PKD1: variants seen among roughly 807,000 people sequenced by gnomAD.
PKD1 encodes polycystin 1, transient receptor potential channel interacting, also known as polycystin-1.
In PKD1, 81 loss-of-function variants were observed where a neutral mutation model predicts 361.7. The ratio of observed to expected loss-of-function variants is 0.22; its 90% CI spans 0.19 to 0.27. The LOEUF (loss-of-function observed/expected upper bound fraction) is 0.27. Ranked by LOEUF, PKD1 falls within the 10% of genes least tolerant of loss-of-function variation. The pLI is 1.00. For synonymous variants in PKD1, 3,615 were observed against 2,818.3 expected, an observed-to-expected ratio of 1.28 and a Z score of -8.95; for missense variants, 6,399 against 6,118.3, an observed-to-expected ratio of 1.05 and a Z score of -1.53.
rs1264976649 is a variant in PKD1, at chr16:2,113,307, G to A, written c.2854-15C>T. 1 of 1,595,550 alleles carries A rather than the reference G, an allele frequency of 6.3e-7. No homozygotes were observed. Among genetic ancestry groups the A allele is most frequent in the Non-Finnish European group, 8.5e-7 (1 of 1,179,394 alleles). ...GGGCTGTACCTCTGCGGGGGGAATG[G>A]TGTCAGCCTGGGCTCTGTGGAGGAC... On this transcript the variant is annotated splice_polypyrimidine_tract_variant and intron_variant, in intron 11 of 45. Transcript: ENST00000262304.
At position 2,111,195 on chromosome 16, in the gene PKD1, G is replaced by A. The variant is rs751291698; in HGVS notation, c.3972C>T (p.Tyr1324=). The change falls in exon 15 of 46, where the codon TAC becomes TAT. Residue 1324 remains tyrosine, a synonymous_variant. Transcript: ENST00000262304. ...CATCCCCGAAGGTCCAGTCGAAGAG[G>A]TAGTGGGCCGGGTTCCCGGTGACGT... ...TAYVTGNPAH[Y]LFDWTFGDGS... 9.3e-6 allele frequency: 15 copies of A among 1,611,356 alleles called. No homozygotes were observed. Among genetic ancestry groups the A allele is most frequent in the South Asian group, 5.5e-5 (5 of 91,030 alleles).
Position 2,118,962 on chromosome 16 carries a change from C to G in PKD1, c.360-117G>C. On this transcript the variant is annotated intron_variant, in intron 3 of 45. Coordinates refer to ENST00000262304, the MANE Select transcript of PKD1 (RefSeq NM_001009944.3). The surrounding 1 kb of genome is among the most constrained non-coding windows in gnomAD (Gnocchi z 6.0). The stretch of plus-strand genomic sequence containing the variant: ...ACAGCACCGCCTCCCCTGCCCCAAC[C>G]AAGCCGGCACTGGGGGGCTCCAAGC... 2.5e-6 allele frequency: 2 copies of G among 793,656 alleles called. No individual in the cohort carries two copies. Among genetic ancestry groups the G allele is most frequent in the Non-Finnish European group, 4.2e-6 (2 of 480,028 alleles). 49.2% of individuals were successfully genotyped at this position (793,656 alleles called of 1,614,324 possible). A position where few individuals can be genotyped will look rare whatever the true frequency, so the allele number is the denominator to read the frequency against.
chr16:2,105,323 A>C lies in PKD1; in HGVS notation c.8015T>G (p.Met2672Arg), dbSNP rs769848003. The C allele has an allele frequency of 6.3e-7, 1 of 1,594,120 alleles. No homozygotes were observed. ...QQIAAALAQC[M>R]GPSRELVCRS... The stretch of plus-strand genomic sequence containing the variant: ...GGTGAGCAGGTGGGGCCATCCTACC[A>C]TGCACTGGGCCAGCGCAGCAGCGAT... Residue 2672 changes from methionine to arginine, a missense_variant and splice_region_variant, in exon 21 of 46, where the codon ATG becomes AGG. By Grantham distance (91) the Met-to-Arg change is moderately conservative. Transcript: ENST00000262304.
rs1298500431 is a variant in PKD1, at chr16:2,090,959, G to A, written c.11928C>T (p.Ser3976=). 16 of 1,554,910 alleles carry A rather than the reference G, an allele frequency of 1.0e-5. No individual in the cohort carries two copies. The highest frequency in any genetic ancestry group is 1.2e-5 in the South Asian group (1 of 86,700). Residue 3976 remains serine (S), a synonymous_variant, in exon 43 of 46, where the codon AGC becomes AGT. Coordinates refer to ENST00000262304, the MANE Select transcript of PKD1 (RefSeq NM_001009944.3). ...AGCTCAGCTGCGCCACCTGGTCGAA[G>A]CTAGTGAAGCGGCGCGGGCGGCCGC... ...FVRGRPRRFT[S]FDQVAQLSSA... is the part of the protein sequence containing the mutation.
rs760474929 is a variant in PKD1 at position 2,100,598 on chromosome 16, G to T, written c.9398-32C>A. 8.2e-6 allele frequency: 13 copies of T among 1,588,902 alleles called. No homozygotes were observed. Among genetic ancestry groups the T allele is most frequent in the Non-Finnish European group, 9.4e-6 (11 of 1,164,266 alleles). On this transcript the variant is annotated intron_variant, in intron 26 of 45. Coordinates refer to ENST00000262304, the MANE Select transcript of PKD1 (RefSeq NM_001009944.3). This position sits in a 1 kb window ranked among gnomAD's most constrained non-coding sequence, Gnocchi z 4.4. ...GGCAAGAGGGAGGGGTGGGAGGCTC[G>T]GTCTGCTGCCCAACACGTGTGGCAT...
At chr16:2,125,437 G>A (rs970283877) in intron 1 of PKD1, among the ~76,000 whole-genome samples, 5 of 152,210 alleles carry the variant, frequency 3.3e-5, no homozygotes, top group East Asian at 1.9e-4. Context: ...AGGCTCAGCG[G>A]CATTCTGTCC....
intron 1 of PKD1, chr16:2,132,100 AT>A (rs2092889345): frequency 6.6e-6 from 1 of 151,576 alleles, no homozygotes; most frequent in Admixed American, 6.6e-5. Context: ...AAAATACAAA[AT>A]TAGCCAGGCA....
Position 2,097,066 on chromosome 16 carries a change from C to G in PKD1, c.10499+82G>C, listed in dbSNP as rs1330025091. 12 of 949,140 alleles carry G rather than the reference C, an allele frequency of 1.3e-5. No individual in the cohort carries two copies. The East Asian group carries it at 3.2e-4, about 25-fold the overall frequency. 58.8% of individuals were successfully genotyped at this position (949,140 alleles called of 1,614,324 possible). Reference sequence around the variant, plus strand: ...CCCTGGCACCCCACCCCACCCTACCCCAGGCGGGAACCACGGCTGCCTGGC... The same window carrying G: ...CCCTGGCACCCCACCCCACCCTACCGCAGGCGGGAACCACGGCTGCCTGGC... On this transcript the variant is annotated intron_variant, in intron 34 of 45. Transcript: ENST00000262304.
intron 21 of PKD1, among the ~76,000 whole-genome samples, chr16:2,105,099 G>A (rs1159421314): frequency 6.8e-6 from 1 of 147,142 alleles, no homozygotes; most frequent in Non-Finnish European, 1.5e-5. Flanking sequence ...CCCACATCTG[G>A]GCCCCTCTTT....
At chr16:2,122,262 C>G (rs1454303875) in intron 1 of PKD1, among the ~76,000 whole-genome samples, 8 of 152,260 alleles carry the variant, frequency 5.3e-5, no homozygotes, top group African/African-American at 1.9e-4. Context: ...CTCGTTCCAT[C>G]TGCGGATGGA....
chr16:2,107,651 A>C, intron 16 of PKD1: 1 of 611,552 alleles, frequency 1.6e-6, no homozygotes, highest in Non-Finnish European at 3.0e-6. Flanking sequence ...TTGCTAGGGG[A>C]CTGTGTAGCT....
rs754218771 is a variant in PKD1 at position 2,100,169 on chromosome 16, C to T, written c.9709G>A (p.Ala3237Thr). Reference protein sequence around the residue: ...GGLVEKEVLAASDAALLRFRR... With the variant: ...GGLVEKEVLATSDAALLRFRR... ...GGAACATGGAACGAGGCCTTACTCG[C>T]GGCCAGCACCTCCTTCTCCACCAGG... Residue 3237 changes from alanine to threonine, a missense_variant, in exon 28 of 46, where the codon GCG becomes ACG. Physicochemically the swap from Ala to Thr is moderately conservative, Grantham distance 58. Coordinates refer to ENST00000262304, the MANE Select transcript of PKD1 (RefSeq NM_001009944.3). The surrounding 1 kb of genome is among the most constrained non-coding windows in gnomAD (Gnocchi z 4.4). 87 of 1,607,768 alleles carry T rather than the reference C, an allele frequency of 5.4e-5. 3 individuals carry two copies. In the South Asian group the frequency reaches 7.7e-4, roughly 14 times the overall value.
In PKD1 at chr16:2,114,186, A is replaced by C. The variant is rs1173261802; in HGVS notation, c.2837T>G (p.Leu946Arg). ...RATPSPEARV[L>R]QGVLVRYSPV... ...CATACTCACCACTAGGACTCCCTGC[A>C]GTACACGGGCCTCGGGGCTGGGCGT... Residue 946 changes from leucine (L) to arginine (R), a missense_variant, in exon 11 of 46, where the codon CTG becomes CGG. By Grantham distance (102) the Leu-to-Arg change is moderately radical (BLOSUM62 -2). Coordinates refer to ENST00000262304, the MANE Select transcript of PKD1 (RefSeq NM_001009944.3). The C allele has an allele frequency of 6.2e-7, 1 of 1,607,298 alleles. No individual in the cohort carries two copies. The highest frequency in any genetic ancestry group is 8.5e-7 in the Non-Finnish European group (1 of 1,179,554).
At position 2,109,353 on chromosome 16, in the gene PKD1, G is replaced by A. The variant is rs1199519847; in HGVS notation, c.5814C>T (p.His1938=). Reference sequence around the variant, plus strand: ...CGTGGTCTCCGACGCGGGGGAAGCTGTGGGAGAAACGGGGCCCGGGGAGCA... The same window carrying A: ...CGTGGTCTCCGACGCGGGGGAAGCTATGGGAGAAACGGGGCCCGGGGAGCA... The part of the protein sequence containing the change: ...PEVLPGPRFS[H]SFPRVGDHVV... The change falls in exon 15 of 46, where the codon CAC becomes CAT. Residue 1938 remains histidine, a synonymous_variant. Coordinates refer to ENST00000262304, the MANE Select transcript of PKD1 (RefSeq NM_001009944.3). The A allele has an allele frequency of 1.3e-5, 20 of 1,592,242 alleles. No individual in the cohort carries two copies. Among genetic ancestry groups the A allele is most frequent in the Non-Finnish European group, 1.6e-5 (19 of 1,173,778 alleles).
chr16:2,110,902 G>A lies in PKD1; in HGVS notation c.4265C>T (p.Ala1422Val), dbSNP rs759240605. Residue 1422 changes from alanine to valine, a missense_variant, in exon 15 of 46, where the codon GCC becomes GTC. Ala to Val is a moderately conservative substitution (Grantham distance 64). Transcript: ENST00000262304. The part of the protein sequence containing the change: ...YTWDFGTEEA[A>V]PTRARGPEVT... ...CTCAGGGCCCCTGGCACGGGTGGGG[G>A]CGGCTTCCTCGGTGCCAAAGTCCCA... 1.9e-6 allele frequency: 3 copies of A among 1,611,546 alleles called. No homozygotes were observed. The highest frequency in any genetic ancestry group is 1.7e-5 in the Admixed American group (1 of 60,014).
chr16:2,134,577 C>T (rs1286603644), intron 1 of PKD1, among the ~76,000 whole-genome samples: 4 of 151,352 alleles, frequency 2.6e-5, no homozygotes, highest in Admixed American at 2.0e-4. Flanking sequence ...GTCCTGGGCA[C>T]CTCATAGTTC....
chr16:2,097,111 C>T (rs1465800429), intron 34 of PKD1, 37 bp downstream of exon 34: 2 of 1,492,320 alleles, frequency 1.3e-6, no homozygotes, highest in South Asian at 1.2e-5. Flanking sequence ...GGCCCCTCCT[C>T]TGGCAATCCC....
rs967735315 is a variant in PKD1 at position 2,089,082 on chromosome 16, A to G, written c.*645T>C. ...ATGACAAGGCCTCTGGGGTGATGAG[A>G]GTGCCTGGCAGACAGCTGTGCCCCC... On this transcript the variant is annotated 3_prime_UTR_variant, in exon 46 of 46. Transcript: ENST00000262304. 6 of 176,712 alleles carry G rather than the reference A, an allele frequency of 3.4e-5. No homozygotes were observed. Among genetic ancestry groups the G allele is most frequent in the Non-Finnish European group, 7.3e-5 (6 of 82,504 alleles). The allele number at this position is 176,712 out of a possible 1,614,324, so 10.9% of individuals were successfully genotyped here. A position where few individuals can be genotyped will look rare whatever the true frequency, so the allele number is the denominator to read the frequency against.
chr16:2,115,322 G>C, intron 10 of PKD1, 56 bp downstream of exon 10: 3 of 1,426,098 alleles, frequency 2.1e-6, no homozygotes, highest in Non-Finnish European at 2.9e-6. Context: ...CTGGGCAGCA[G>C]ACAGGAAGGT....
Sources: gnomAD v4.1 joint callset for allele counts (sites outside exome capture counted in the v4.1 genomes callset) on GRCh38, gnomAD v4.1.1 for gene constraint, Gnocchi (gnomAD v3.1) non-coding constraint, MANE v1.5 for transcripts, NCBI Gene and HGNC (gene_info 2026-07-23, HGNC 2026-07-21) for gene names.